ZZEF1: variants seen among roughly 807,000 people sequenced by gnomAD.
ZZEF1 encodes zinc finger ZZ-type and EF-hand domain containing 1.
Under a neutral mutation model 342.8 loss-of-function variants are expected in ZZEF1, and 157 were observed. That is an observed-to-expected ratio of 0.46 (90% confidence interval 0.40 to 0.52). The LOEUF (loss-of-function observed/expected upper bound fraction) is 0.52, where lower values mean the gene tolerates loss of function less well. Ranked by LOEUF, ZZEF1 falls within the 20% of genes least tolerant of loss-of-function variation. ZZEF1 has a pLI of 0.00. For missense variants in ZZEF1, 3,480 were observed against 3,725.6 expected (o/e 0.93, Z 1.72); for synonymous variants, 1,505 against 1,429.1 (o/e 1.05, Z -1.20).
At chr17:4,077,054 C>T in intron 19 of ZZEF1, 65 bp from the exon 20 acceptor site, 7 of 1,449,218 alleles carry the variant, frequency 4.8e-6, no homozygotes, top group Middle Eastern at 2.5e-4. Context: ...TGGTTATCAC[C>T]ACAGACAAGA....
At chr17:4,056,385 C>A in intron 32 of ZZEF1, 40 bp from the exon 33 acceptor site, 7 of 1,536,846 alleles carry the variant, frequency 4.6e-6, no homozygotes, top group South Asian at 2.6e-5. Flanking sequence ...ATGCCTCTCC[C>A]AATCACCAAG....
At position 4,067,262 on chromosome 17, in the gene ZZEF1, T is replaced by C; in HGVS notation, c.4076-20A>G. The C allele has an allele frequency of 1.2e-6, 2 of 1,601,788 alleles. No homozygotes were observed. Among genetic ancestry groups the C allele is most frequent in the East Asian group, 2.2e-5 (1 of 44,684 alleles). ...TGTTGACTGGGGAGAGAAGCAGAGA[T>C]GGAGATTACATTCAGGTAACACAAT... On this transcript the variant is annotated intron_variant, in intron 26 of 54. Coordinates refer to ENST00000381638, the MANE Select transcript of ZZEF1 (RefSeq NM_015113.4).
Position 4,059,334 on chromosome 17 carries a change from T to A in ZZEF1, c.4884-44A>T, listed in dbSNP as rs749036584. On this transcript the variant is annotated intron_variant, in intron 30 of 54. Coordinates refer to ENST00000381638, the MANE Select transcript of ZZEF1 (RefSeq NM_015113.4). ...ACTGATTCACTTAATTGCCAGAACA[T>A]CTTTTTCTTAATAATAATAATGATT... The A allele has an allele frequency of 3.2e-6, 5 of 1,575,758 alleles. No homozygotes were observed. The Admixed American group carries it at 8.5e-5, about 27-fold the overall frequency.
rs762829792 is a variant in ZZEF1 at position 4,077,916 on chromosome 17, C to A, written c.2956G>T (p.Ala986Ser). The change falls in exon 19 of 55, where the codon GCC (alanine) becomes TCC (serine). Residue 986 changes from alanine to serine, a missense_variant. Around this residue, in one of 5 missense-constraint regions of ZZEF1, gnomAD observed 1,528 missense variants for 1,624.1 expected, o/e 0.94. Transcript: ENST00000381638. Reference protein sequence around the residue: ...YLQLKSTDSGAKDLAVDLIEK... With the variant: ...YLQLKSTDSGSKDLAVDLIEK... ...ATAAGGTCCACGGCAAGATCTTTGG[C>A]TCCAGAGTCCGTGCTCTTCAGCTGC... 3.7e-6 allele frequency: 6 copies of A among 1,614,006 alleles called. No individual in the cohort carries two copies. The African/African-American group carries it at 6.7e-5, about 18-fold the overall frequency.
Position 4,105,709 on chromosome 17 carries a change from G to C in ZZEF1, c.1378C>G (p.Leu460Val), listed in dbSNP as rs752159514. Residue 460 changes from leucine (L) to valine (V), a missense_variant, in exon 7 of 55, where the codon CTC becomes GTC. Physicochemically the swap from Leu to Val is conservative, Grantham distance 32 (BLOSUM62 1). This residue lies in a region of ZZEF1 where 1,528 missense variants were observed against 1,624.1 expected (regional missense o/e 0.94). Transcript: ENST00000381638. ...PNVLEEVDSFLIRITSCCSTP... is the reference protein window; with the variant it reads ...PNVLEEVDSFVIRITSCCSTP... ...TGATTTTACCTAGTTATCCTTATGA[G>C]GAAACTGTCCACTTCTTCCAGCACA... 6.2e-7 allele frequency: 1 copy of C among 1,612,768 alleles called. No homozygotes were observed. Among genetic ancestry groups the C allele is most frequent in the Admixed American group, 1.7e-5 (1 of 59,832 alleles).
chr17:4,032,043 C>T, intron 42 of ZZEF1, 83 bp downstream of exon 42: 1 of 1,454,590 alleles, frequency 6.9e-7, no homozygotes, highest in Non-Finnish European at 9.2e-7. Context: ...GGCCAAGAGC[C>T]AAGGTAATTT....
intron 2 of ZZEF1, among the ~76,000 whole-genome samples, chr17:4,118,438 A>T (rs915328236): frequency 1.3e-5 from 2 of 152,072 alleles, no homozygotes; most frequent in Non-Finnish European, 1.5e-5. Flanking sequence ...GCTGTGATTC[A>T]CCTATGGGGG....
intron 1 of ZZEF1, among the ~76,000 whole-genome samples, chr17:4,141,174 G>A (rs760925467): frequency 3.0e-4 from 45 of 152,232 alleles, no homozygotes; most frequent in Non-Finnish European, 5.7e-4. Flanking sequence ...CTCCCAAAGT[G>A]CTGGGATTAC....
Position 4,078,006 on chromosome 17 carries a change from C to T in ZZEF1, c.2866G>A (p.Val956Met), listed in dbSNP as rs532275118. 1.2e-6 allele frequency: 2 copies of T among 1,614,052 alleles called. No homozygotes were observed. The highest frequency in any genetic ancestry group is 1.3e-5 in the African/African-American group (1 of 75,054). ...AACAGGGAGAAGAGCACAGAGCCCACCTCCCCTGGGGCCCCACTGAGCATT... is the reference window on the plus strand; with the variant it reads ...AACAGGGAGAAGAGCACAGAGCCCATCTCCCCTGGGGCCCCACTGAGCATT... Reference protein sequence around the residue: ...LLMLSGAPGEVGSVLFSLFWS... With the variant: ...LLMLSGAPGEMGSVLFSLFWS... The change falls in exon 19 of 55, where the codon GTG (valine) becomes ATG (methionine). Residue 956 changes from valine to methionine, a missense_variant. This residue lies in a region of ZZEF1 where 1,528 missense variants were observed against 1,624.1 expected (regional missense o/e 0.94). Coordinates refer to ENST00000381638, the MANE Select transcript of ZZEF1 (RefSeq NM_015113.4).
chr17:4,076,768 AGATG>A lies in ZZEF1; in HGVS notation c.3112-13_3112-10del, dbSNP rs144828758. ...TCCAGCAGGAAGATAACCTAATGGA[AGATG>A]GATGAAGCACTCAGCGTCCACCTTA... On this transcript the variant is annotated splice_polypyrimidine_tract_variant and intron_variant, in intron 20 of 54. Transcript: ENST00000381638. 25,240 of 1,607,990 alleles carry A rather than the reference AGATG, an allele frequency of 0.016. 3,286 individuals are homozygous for A. In the African/African-American group the frequency reaches 0.29, roughly 19 times the overall value.
At chr17:4,019,881 T>G in intron 45 of ZZEF1, 112 bp from the exon 46 acceptor site, 1 of 741,196 alleles carries the variant, frequency 1.3e-6, no homozygotes, top group South Asian at 2.0e-5. Flanking sequence ...CCACAGGTTA[T>G]AATTGAGGAA....
chr17:4,077,806 G>A, intron 19 of ZZEF1, 77 bp downstream of exon 19: 1 of 1,489,762 alleles, frequency 6.7e-7, no homozygotes, highest in Non-Finnish European at 9.2e-7. Flanking sequence ...CTCATTGCAT[G>A]AGTTACTAAA....
intron 1 of ZZEF1, among the ~76,000 whole-genome samples, chr17:4,127,210 C>T (rs2058586204): frequency 6.6e-6 from 1 of 151,990 alleles, no homozygotes; most frequent in South Asian, 2.1e-4. Context: ...CACTTTGCTG[C>T]CTAGGCTGGT....
Position 4,015,995 on chromosome 17 carries a change from T to G in ZZEF1, c.8145+328A>C, listed in dbSNP as rs912872944. Among the ~76,000 whole-genome samples the G allele has an allele frequency of 1.6e-4, 24 of 152,312 alleles. 1 individual carries two copies. Among genetic ancestry groups the G allele is most frequent in the African/African-American group, 5.3e-4 (22 of 41,576 alleles). On this transcript the variant is annotated intron_variant, in intron 49 of 54. Coordinates refer to ENST00000381638, the MANE Select transcript of ZZEF1 (RefSeq NM_015113.4). The stretch of plus-strand genomic sequence containing the variant: ...AGTGAGGGTCCAACCTGGACCACAT[T>G]CAGACTCACTGTCTCACTGTGAAGC...
chr17:4,138,019 G>A (rs533060501), intron 1 of ZZEF1, among the ~76,000 whole-genome samples: 1 of 152,114 alleles, frequency 6.6e-6, no homozygotes, highest in South Asian at 2.1e-4. Context: ...AGGTAAGGGA[G>A]TTAGGAACAA....
At chr17:4,139,258 G>A (rs905856055) in intron 1 of ZZEF1, among the ~76,000 whole-genome samples, 14 of 151,996 alleles carry the variant, frequency 9.2e-5, no homozygotes, top group African/African-American at 3.4e-4. Flanking sequence ...AATAACTGAG[G>A]TCACAGGAAT....
At chr17:4,127,827 A>G (rs944907060) in intron 1 of ZZEF1, among the ~76,000 whole-genome samples, 1 of 152,190 alleles carries the variant, frequency 6.6e-6, no homozygotes, top group Non-Finnish European at 1.5e-5. Flanking sequence ...AATGACTGGA[A>G]AAGTATTCTC....
At chr17:4,075,615 G>A (rs1352496828) in intron 21 of ZZEF1, among the ~76,000 whole-genome samples, 186 bp from the exon 22 acceptor site, 1 of 152,148 alleles carries the variant, frequency 6.6e-6, no homozygotes, top group African/African-American at 2.4e-5. Context: ...CGTCCACCAC[G>A]CAGCCGAGGA....
At chr17:4,063,506 G>A (rs373662746) in intron 29 of ZZEF1, among the ~76,000 whole-genome samples, 18 of 152,086 alleles carry the variant, frequency 1.2e-4, no homozygotes, top group African/African-American at 4.1e-4. Context: ...AATTCTAACG[G>A]TACGTTCTTG....
Sources: allele counts gnomAD v4.1 joint callset (sites outside exome capture counted in the v4.1 genomes callset), GRCh38; gene constraint gnomAD v4.1.1; regional missense constraint gnomAD v4.1.1; transcripts MANE v1.5; gene names NCBI Gene and HGNC (gene_info 2026-07-23, HGNC 2026-07-21).